The following ZNRF1 variants were observed in gnomAD, a reference collection of about 807,000 sequenced individuals.
ZNRF1 encodes the protein E3 ubiquitin-protein ligase ZNRF1.
ZNRF1 carries 3 observed loss-of-function variants against 18.4 expected under a neutral mutation model. The ratio of observed to expected loss-of-function variants is 0.16; its 90% CI spans 0.07 to 0.42. The LOEUF (loss-of-function observed/expected upper bound fraction) is 0.42. Among genes scored for constraint, ZNRF1 ranks in the 10% least tolerant of loss-of-function variants. The pLI, the probability that ZNRF1 is intolerant of heterozygous loss-of-function variation, is 0.99. For synonymous variants in ZNRF1, 157 were observed against 144.2 expected, an observed-to-expected ratio of 1.09 and a Z score of -0.64; for missense variants, 310 against 329.8, an observed-to-expected ratio of 0.94 and a Z score of 0.47.
At position 75,046,574 on chromosome 16, in the gene ZNRF1, A is replaced by T. The variant is rs544966922; in HGVS notation, c.424+46479A>T. ...CTGTTTTCTTCTATTATTATTTTTT[A>T]TTTATTTTTTTATTTTTTTGAGACT... On this transcript the variant is annotated intron_variant, in intron 1 of 4. Coordinates refer to ENST00000335325, the MANE Select transcript of ZNRF1 (RefSeq NM_032268.5). 3.8e-3 allele frequency among the ~76,000 whole-genome samples: 565 copies of T among 149,952 alleles called. 5 individuals carry two copies. The highest frequency in any genetic ancestry group is 0.014 in the African/African-American group (559 of 40,752).
At chr16:75,015,128 A>G (rs1410579933) in intron 1 of ZNRF1, among the ~76,000 whole-genome samples, 3 of 152,090 alleles carry the variant, frequency 2.0e-5, no homozygotes, top group East Asian at 1.9e-4. Context: ...GTGATTTCTT[A>G]TGGTTACTTA....
chr16:75,031,061 C>T (rs1024606408), intron 1 of ZNRF1, among the ~76,000 whole-genome samples: 6 of 151,440 alleles, frequency 4.0e-5, no homozygotes, highest in African/African-American at 7.3e-5. Flanking sequence ...TCGTCTTGAA[C>T]GCCTGACCTC....
intron 1 of ZNRF1, among the ~76,000 whole-genome samples, chr16:75,006,617 G>C (rs1173393845): frequency 6.6e-6 from 1 of 152,078 alleles, no homozygotes. Flanking sequence ...TGTATTTTTA[G>C]TAGAGACAGG....
intron 2 of ZNRF1, among the ~76,000 whole-genome samples, chr16:75,102,561 C>T (rs1380889793): frequency 6.6e-6 from 1 of 152,152 alleles, no homozygotes; most frequent in Non-Finnish European, 1.5e-5. Context: ...ACTTCTGGGT[C>T]GCCTTTTGTT....
At chr16:75,103,829 A>G (rs2036280622) in intron 2 of ZNRF1, among the ~76,000 whole-genome samples, 1 of 152,064 alleles carries the variant, frequency 6.6e-6, no homozygotes, top group Non-Finnish European at 1.5e-5. Flanking sequence ...TACTAAAAAT[A>G]CAAAAACTAG....
intron 1 of ZNRF1, among the ~76,000 whole-genome samples, chr16:75,026,662 G>A (rs567849590): frequency 7.2e-5 from 11 of 152,172 alleles, no homozygotes; most frequent in South Asian, 2.1e-4. Context: ...CTGGCCAGGC[G>A]CAGTGGCTCA....
chr16:75,092,412 G>A lies in ZNRF1; in HGVS notation c.425-1160G>A, dbSNP rs574295232. Among the ~76,000 whole-genome samples, 4 of 152,196 alleles carry A rather than the reference G, an allele frequency of 2.6e-5. No homozygotes were observed. In the East Asian group the frequency reaches 7.7e-4, roughly 29 times the overall value. ...CCACATTAGGAAGTCCAGGCTGGGC[G>A]GGCAGGAATCACAGTCACAAAAGGG... On this transcript the variant is annotated intron_variant, in intron 1 of 4. Transcript: ENST00000335325.
chr16:75,088,413 C>T (rs1427819219), intron 1 of ZNRF1, among the ~76,000 whole-genome samples: 1 of 152,140 alleles, frequency 6.6e-6, no homozygotes, highest in Non-Finnish European at 1.5e-5. Flanking sequence ...AAATGGAAAG[C>T]AGAACTCCAG....
At chr16:75,097,584 T>C (rs1450829903) in intron 2 of ZNRF1, among the ~76,000 whole-genome samples, 2 of 152,096 alleles carry the variant, frequency 1.3e-5, no homozygotes, top group African/African-American at 4.8e-5. Flanking sequence ...TCCCAACACT[T>C]TGGGGAACCG....
intron 2 of ZNRF1, among the ~76,000 whole-genome samples, chr16:75,093,950 G>T (rs1354989403): frequency 6.6e-6 from 1 of 152,232 alleles, no homozygotes; most frequent in Non-Finnish European, 1.5e-5. Context: ...CTGCAACTCA[G>T]TTCTGAGGAC....
intron 1 of ZNRF1, among the ~76,000 whole-genome samples, chr16:75,084,082 C>T (rs1366979437): frequency 6.6e-6 from 1 of 152,238 alleles, no homozygotes; most frequent in East Asian, 1.9e-4. Flanking sequence ...GCAACACCTG[C>T]TCCCTGGTCA....
At chr16:75,080,483 G>T (rs1362546225) in intron 1 of ZNRF1, among the ~76,000 whole-genome samples, 1 of 152,120 alleles carries the variant, frequency 6.6e-6, no homozygotes, top group African/African-American at 2.4e-5. Context: ...TTTCTTGCTG[G>T]CAAAAAATTC....
chr16:75,061,734 G>T (rs1211138070), intron 1 of ZNRF1, among the ~76,000 whole-genome samples: 1 of 152,120 alleles, frequency 6.6e-6, no homozygotes, highest in Non-Finnish European at 1.5e-5. Flanking sequence ...AAAAAGTATG[G>T]GACTTCTCAA....
intron 1 of ZNRF1, among the ~76,000 whole-genome samples, chr16:75,051,027 T>C (rs2035593667): frequency 1.0e-5 from 1 of 98,718 alleles, no homozygotes; most frequent in Non-Finnish European, 2.4e-5. Flanking sequence ...ACCTTGTCGC[T>C]ACAAAAAGAA....
At chr16:75,057,561 A>G (rs962441779) in intron 1 of ZNRF1, among the ~76,000 whole-genome samples, 1 of 152,166 alleles carries the variant, frequency 6.6e-6, no homozygotes, top group Non-Finnish European at 1.5e-5. Flanking sequence ...CCCTGGCCTC[A>G]GGATCGTCAT....
At chr16:75,092,403 A>C (rs1194168984) in intron 1 of ZNRF1, among the ~76,000 whole-genome samples, 1 of 152,212 alleles carries the variant, frequency 6.6e-6, no homozygotes, top group Non-Finnish European at 1.5e-5. Context: ...TAGGAAGTCC[A>C]GGCTGGGCGG....
At position 75,095,453 on chromosome 16, in the gene ZNRF1, C is replaced by G. The variant is rs368565397; in HGVS notation, c.520+1786C>G. On this transcript the variant is annotated intron_variant, in intron 2 of 4. Transcript: ENST00000335325. ...GCTTGGGACCAGGGAGGGAGAGGAG[C>G]CTTCCCTGCGTCTCACAGCCCTCCC... 42 of 777,810 alleles carry G rather than the reference C, an allele frequency of 5.4e-5. 2 individuals carry two copies. Among genetic ancestry groups the G allele is most frequent in the East Asian group, 2.6e-4 (9 of 35,130 alleles). 48.2% of individuals were successfully genotyped at this position (777,810 alleles called of 1,614,324 possible).
At position 75,047,523 on chromosome 16, in the gene ZNRF1, A is replaced by G. The variant is rs183298460; in HGVS notation, c.425-46049A>G. Among the ~76,000 whole-genome samples the G allele has an allele frequency of 2.0e-3, 306 of 152,368 alleles. 2 individuals carry two copies. Among genetic ancestry groups the G allele is most frequent in the African/African-American group, 7.0e-3 (292 of 41,588 alleles). On this transcript the variant is annotated intron_variant, in intron 1 of 4. Transcript: ENST00000335325. ...TGATTCCACGTTTCCGTGGTTAGAA[A>G]TAGAGTCACAATGAACACTTTTGTG...
intron 1 of ZNRF1, among the ~76,000 whole-genome samples, chr16:75,016,669 G>T (rs77578772): frequency 5.2e-4 from 79 of 151,628 alleles, no homozygotes; most frequent in African/African-American, 1.7e-3. Flanking sequence ...CAGAGTAGCT[G>T]GGACTACAGG....
Sources: gnomAD v4.1 joint callset for allele counts (sites outside exome capture counted in the v4.1 genomes callset) on GRCh38, gnomAD v4.1.1 for gene constraint, MANE v1.5 for transcripts, NCBI Gene and HGNC (gene_info 2026-07-23, HGNC 2026-07-21) for gene names.